The following ANK3 variants were observed in gnomAD, a reference collection of about 807,000 sequenced individuals.
ANK3 encodes ankyrin-3.
Under a neutral mutation model 370.9 loss-of-function variants are expected in ANK3, and 57 were observed. The observed-to-expected ratio is 0.15, with a 90% CI of 0.12 to 0.19. The LOEUF is 0.19. Ranked by LOEUF, ANK3 falls within the 10% of genes least tolerant of loss-of-function variation. The pLI is 1.00. For synonymous variants in ANK3, 1,929 were observed against 1,946.3 expected (o/e 0.99, Z 0.23); for missense variants, 4,439 against 5,302.1 (o/e 0.84, Z 5.06).
At position 60,697,435 on chromosome 10, in the gene ANK3, C is replaced by T. The variant is rs1443851594; in HGVS notation, c.57+35828G>A. ...GTTCATATGGAACCAAAAAAGAGCC[C>T]GCATCGCCAAGTCAATCCTAAGCCA... On this transcript the variant is annotated intron_variant, in intron 1 of 43. Transcript: ENST00000373827. 1.2e-4 allele frequency among the ~76,000 whole-genome samples: 18 copies of T among 149,342 alleles called. No homozygotes were observed. The East Asian group carries it at 1.8e-3, about 15-fold the overall frequency.
chr10:60,075,031 T>A lies in ANK3; in HGVS notation c.5850A>T (p.Lys1950Asn). The A allele has an allele frequency of 1.2e-6, 2 of 1,613,934 alleles. No homozygotes were observed. The highest frequency in any genetic ancestry group is 1.7e-6 in the Non-Finnish European group (2 of 1,179,966). Residue 1950 changes from lysine to asparagine, a missense_variant, in exon 37 of 44, where the codon AAA becomes AAT. Physicochemically the swap from Lys to Asn is moderately conservative, Grantham distance 94. Transcript: ENST00000280772. ...DDEEPFKIVE[K>N]VKEDLVKVSE... ...TAACTTTCACTAAGTCTTCCTTTACTTTCTCTACAATTTTGAAAGGTTCTT... is the reference window on the plus strand; with the variant it reads ...TAACTTTCACTAAGTCTTCCTTTACATTCTCTACAATTTTGAAAGGTTCTT...
intron 1 of ANK3, among the ~76,000 whole-genome samples, chr10:60,635,006 A>G (rs1298241581): frequency 6.6e-6 from 1 of 152,208 alleles, no homozygotes; most frequent in East Asian, 1.9e-4. Flanking sequence ...TTCATTCTTG[A>G]AGTCAGTGAG....
intron 1 of ANK3, among the ~76,000 whole-genome samples, chr10:60,324,860 T>C (rs560433623): frequency 1.3e-5 from 2 of 152,304 alleles, no homozygotes; most frequent in South Asian, 2.1e-4. Flanking sequence ...GAATAGCATA[T>C]AGTAGTTGTT....
At chr10:60,489,907 C>T (rs2075449858) in intron 2 of ANK3, among the ~76,000 whole-genome samples, 1 of 152,172 alleles carries the variant, frequency 6.6e-6, no homozygotes, top group African/African-American at 2.4e-5. Context: ...AGGATAAAAA[C>T]ATTTTCTTGC....
chr10:60,291,867 C>T (rs2041480401), intron 1 of ANK3, among the ~76,000 whole-genome samples: 1 of 152,040 alleles, frequency 6.6e-6, no homozygotes, highest in Non-Finnish European at 1.5e-5. Flanking sequence ...TACAGACCGC[C>T]ACGCCTGACT....
intron 2 of ANK3, among the ~76,000 whole-genome samples, chr10:60,433,385 T>C (rs1042428668): frequency 1.3e-5 from 2 of 152,092 alleles, no homozygotes; most frequent in Admixed American, 6.5e-5. Context: ...ACCCATTGAG[T>C]TTGAGACCAG....
intron 1 of ANK3, among the ~76,000 whole-genome samples, chr10:60,687,204 T>A (rs753313424): frequency 2.6e-5 from 4 of 152,170 alleles, no homozygotes; most frequent in Non-Finnish European, 5.9e-5. Context: ...AACACACAAC[T>A]GTATATATCG....
chr10:60,565,274 T>A (rs1282825727), intron 2 of ANK3, among the ~76,000 whole-genome samples: 2 of 152,186 alleles, frequency 1.3e-5, no homozygotes, highest in African/African-American at 4.8e-5. Context: ...TAGATTCTCA[T>A]AAGGAGTGCA....
chr10:60,304,375 G>T (rs1198229112), intron 1 of ANK3, among the ~76,000 whole-genome samples: 1 of 152,114 alleles, frequency 6.6e-6, no homozygotes, highest in Non-Finnish European at 1.5e-5. Context: ...GGGGGTGGTG[G>T]CTCATGCTTG....
chr10:60,396,202 T>C (rs1416012424), intron 2 of ANK3, among the ~76,000 whole-genome samples: 1 of 152,168 alleles, frequency 6.6e-6, no homozygotes, highest in Non-Finnish European at 1.5e-5. Flanking sequence ...ACAAGTGCTA[T>C]GAAGAAAATA....
intron 2 of ANK3, among the ~76,000 whole-genome samples, chr10:60,498,415 AG>A (rs1470368183): frequency 1.3e-5 from 2 of 152,004 alleles, no homozygotes; most frequent in African/African-American, 2.4e-5. Context: ...ATTTTGTAGC[AG>A]GGCCTCACTC....
chr10:60,538,941 G>C (rs979478313), intron 2 of ANK3, among the ~76,000 whole-genome samples: 1 of 151,808 alleles, frequency 6.6e-6, no homozygotes, highest in African/African-American at 2.4e-5. Flanking sequence ...TTGGTTGTCT[G>C]CATTTCACTG....
At chr10:60,460,360 A>G (rs1011097828) in intron 2 of ANK3, among the ~76,000 whole-genome samples, 1 of 152,160 alleles carries the variant, frequency 6.6e-6, no homozygotes, top group Non-Finnish European at 1.5e-5. Context: ...GGGAGAAAAT[A>G]CAAGTTTGCA....
At chr10:60,494,859 T>C (rs993454094) in intron 2 of ANK3, among the ~76,000 whole-genome samples, 1 of 152,178 alleles carries the variant, frequency 6.6e-6, no homozygotes, top group Non-Finnish European at 1.5e-5. Context: ...TACTTATAGA[T>C]ACAGCATAAT....
intron 2 of ANK3, among the ~76,000 whole-genome samples, chr10:60,556,233 A>C (rs1242574685): frequency 2.0e-5 from 3 of 152,228 alleles, no homozygotes; most frequent in Non-Finnish European, 2.9e-5. Flanking sequence ...CCTCTGAATT[A>C]CTTCTCTTGA....
rs114194570 is a variant in ANK3 at position 60,626,794 on chromosome 10, G to A, written c.58-11570C>T. 4.4e-3 allele frequency among the ~76,000 whole-genome samples: 676 copies of A among 152,254 alleles called. 8 individuals carry two copies. Among genetic ancestry groups the A allele is most frequent in the African/African-American group, 0.016 (655 of 41,562 alleles). ...GAGGTAGAGTTGGACAGGGTTAACA[G>A]GTCCAAAGGGCCTAGGGCTATATGC... is the stretch of plus-strand genomic sequence containing the variant. On this transcript the variant is annotated intron_variant, in intron 1 of 43. Transcript: ENST00000373827.
intron 2 of ANK3, among the ~76,000 whole-genome samples, chr10:60,602,995 G>A (rs760314067): frequency 2.0e-5 from 3 of 151,888 alleles, no homozygotes; most frequent in Non-Finnish European, 4.4e-5. Context: ...AAAAAAAGGG[G>A]GTCAGAATGA....
intron 7 of ANK3, among the ~76,000 whole-genome samples, chr10:60,245,502 A>G (rs997618781): frequency 2.0e-5 from 3 of 152,126 alleles, no homozygotes; most frequent in Non-Finnish European, 4.4e-5. Flanking sequence ...GTCACTTCCC[A>G]TTTCTCTGTT....
intron 29 of ANK3, among the ~76,000 whole-genome samples, chr10:60,087,455 T>C (rs1056166711): frequency 6.6e-6 from 1 of 152,178 alleles, no homozygotes; most frequent in South Asian, 2.1e-4. Context: ...GTCTCGTTAG[T>C]GCTAACTACT....
Sources: allele counts gnomAD v4.1 joint callset (sites outside exome capture counted in the v4.1 genomes callset), GRCh38; gene constraint gnomAD v4.1.1; transcripts MANE v1.5; gene names NCBI Gene and HGNC (gene_info 2026-07-23, HGNC 2026-07-21).